The following BRAF variants were observed in gnomAD, a reference collection of about 807,000 sequenced individuals.
BRAF encodes the protein B-Raf proto-oncogene, serine/threonine kinase.
In BRAF, 16 loss-of-function variants were observed where a neutral mutation model predicts 104.6. That is an observed-to-expected ratio of 0.15 (90% confidence interval 0.10 to 0.23). The LOEUF (loss-of-function observed/expected upper bound fraction) is 0.23. BRAF is among the 10% of genes least tolerant of loss of function. The pLI is 1.00. For synonymous variants in BRAF, 310 were observed against 341.6 expected, an observed-to-expected ratio of 0.91 and a Z score of 1.02; for missense variants, 541 against 937.3, an observed-to-expected ratio of 0.58 and a Z score of 5.52.
intron 1 of BRAF, among the ~76,000 whole-genome samples, chr7:140,915,721 C>T (rs929018817): frequency 6.6e-6 from 1 of 151,538 alleles, no homozygotes; most frequent in Non-Finnish European, 1.5e-5. Context: ...CAGGCATGAG[C>T]CACCGTGACC....
intron 1 of BRAF, among the ~76,000 whole-genome samples, chr7:140,901,660 TG>T (rs1204951918): frequency 6.6e-6 from 1 of 152,234 alleles, no homozygotes; most frequent in Admixed American, 6.5e-5. Context: ...TTTATTTAGG[TG>T]GTCTGTCTCT....
At chr7:140,914,973 G>GC (rs903882646) in intron 1 of BRAF, among the ~76,000 whole-genome samples, 1 of 74,820 alleles carries the variant, frequency 1.3e-5, no homozygotes, top group Admixed American at 1.4e-4. Context: ...CCGGGGGGGG[G>GC]GGGGGGCGGA....
chr7:140,922,880 G>A (rs1201812768), intron 1 of BRAF, among the ~76,000 whole-genome samples: 1 of 152,054 alleles, frequency 6.6e-6, no homozygotes, highest in Non-Finnish European at 1.5e-5. Flanking sequence ...CAAAATGAAT[G>A]GTAACTGGAA....
At chr7:140,781,453 T>A in intron 12 of BRAF, 123 bp downstream of exon 11, 2 of 1,028,552 alleles carry the variant, frequency 1.9e-6, no homozygotes, top group Non-Finnish European at 3.0e-6. Flanking sequence ...GTCCTGAAAC[T>A]AATCAAAATA....
At chr7:140,826,649 A>G (rs141763035) in intron 3 of BRAF, among the ~76,000 whole-genome samples, 132 of 152,296 alleles carry the variant, frequency 8.7e-4, no homozygotes, top group Non-Finnish European at 1.6e-3. Context: ...TCTGAGCGAT[A>G]TACTTCAGAT....
intron 5 of BRAF, among the ~76,000 whole-genome samples, chr7:140,805,662 G>A (rs1803586546): frequency 6.6e-6 from 1 of 152,156 alleles, no homozygotes; most frequent in Non-Finnish European, 1.5e-5. Context: ...TGTGAAGGAA[G>A]ACACTGAGTG....
At position 140,809,097 on chromosome 7, in the gene BRAF, G is replaced by A. The variant is rs1044781759; in HGVS notation, c.505-102C>T. 9.4e-6 allele frequency: 8 copies of A among 854,812 alleles called. No homozygotes were observed. In the Admixed American group the frequency reaches 1.4e-4, roughly 15 times the overall value. The allele number at this position is 854,812 out of a possible 1,614,324, so 53.0% of individuals were successfully genotyped here. A position where few individuals can be genotyped will look rare whatever the true frequency, so the allele number is the denominator to read the frequency against. ...AATTCATCTTTAAAAAGTCAAATGG[G>A]TTACTAGGTCAGATACAACACCATT... is the stretch of plus-strand genomic sequence containing the variant. On this transcript the variant is annotated intron_variant, in intron 3 of 19. Coordinates refer to ENST00000644969, the MANE Select transcript of BRAF (RefSeq NM_001374258.1).
At chr7:140,753,526 C>G (rs1797957401) in intron 15 of BRAF, 133 bp from the exon 15 acceptor site, 1 of 645,430 alleles carries the variant, frequency 1.5e-6, no homozygotes, top group South Asian at 1.7e-5. Flanking sequence ...AGTACTTCAT[C>G]TTTCCTCTTA....
In BRAF at chr7:140,727,899, G is replaced by T. The variant is rs62487900; in HGVS notation, c.2402-1383C>A. Among the ~76,000 whole-genome samples the T allele has an allele frequency of 2.9e-4, 44 of 152,226 alleles. 1 individual carries two copies. In the South Asian group the frequency reaches 9.1e-3, roughly 32 times the overall value. ...GCCTCCCAAAGTGCTGGGATTACAC[G>T]CATGAGCCACCATGCCCGGCCAGCC... On this transcript the variant is annotated intron_variant, in intron 19 of 19. Transcript: ENST00000644969.
At chr7:140,786,500 T>C (rs998653389) in intron 9 of BRAF, among the ~76,000 whole-genome samples, 1 of 152,152 alleles carries the variant, frequency 6.6e-6, no homozygotes, top group Admixed American at 6.5e-5. Flanking sequence ...GTCTCAAATA[T>C]CACCTCTTAT....
chr7:140,904,529 G>C (rs2129132614), intron 1 of BRAF, among the ~76,000 whole-genome samples: 1 of 152,276 alleles, frequency 6.6e-6, no homozygotes, highest in Middle Eastern at 3.4e-3. Context: ...GATATATCAA[G>C]TTGTGGAATT....
chr7:140,873,411 C>G (rs963743361), intron 1 of BRAF, among the ~76,000 whole-genome samples: 3 of 152,114 alleles, frequency 2.0e-5, no homozygotes, highest in Non-Finnish European at 2.9e-5. Context: ...CTCAGGTGAT[C>G]CATCTGCCTC....
chr7:140,863,277 A>G (rs1358337562), intron 1 of BRAF, among the ~76,000 whole-genome samples: 1 of 152,200 alleles, frequency 6.6e-6, no homozygotes, highest in Middle Eastern at 3.2e-3. Flanking sequence ...AAACAATAGA[A>G]AGTAAAAGGA....
At chr7:140,921,989 C>T (rs571651780) in intron 1 of BRAF, among the ~76,000 whole-genome samples, 5 of 152,150 alleles carry the variant, frequency 3.3e-5, no homozygotes, top group African/African-American at 1.2e-4. Context: ...ATATCAACTT[C>T]AAATTTAAAA....
At chr7:140,792,159 A>C (rs1276844243) in intron 8 of BRAF, among the ~76,000 whole-genome samples, 1 of 151,742 alleles carries the variant, frequency 6.6e-6, no homozygotes, top group African/African-American at 2.4e-5. Context: ...CCTCCCCAAA[A>C]CACACTCTTT....
chr7:140,760,380 T>C (rs1386796420), intron 14 of BRAF, among the ~76,000 whole-genome samples: 1 of 145,458 alleles, frequency 6.9e-6, no homozygotes, highest in Non-Finnish European at 1.5e-5. Context: ...GCCATTGTAC[T>C]CCAGCCTGAG....
rs35843886 is a variant in BRAF at position 140,808,351 on chromosome 7, C to CAA, written c.609-291_609-290dup. On this transcript the variant is annotated intron_variant, in intron 4 of 19. Transcript: ENST00000644969. ...CAGAAAATGGATTGTTCCTGGGGTC[C>CAA]AAAAAAAAAAAAAAAAAAAAAAAAA... 1,160 of 198,822 alleles carry CAA rather than the reference C, an allele frequency of 5.8e-3. 2 individuals are homozygous for CAA. Among genetic ancestry groups the CAA allele is most frequent in the South Asian group, 7.2e-3 (222 of 30,944 alleles). The allele number at this position is 198,822 out of a possible 1,614,324, so 12.3% of individuals were successfully genotyped here.
In BRAF at chr7:140,720,877, T is replaced by C; in HGVS notation, c.*5617A>G. Reference sequence around the variant, plus strand: ...CCCAATCCCACCCGTCAACAGACCCTTCCTTTGCGGCATCTCTTCACAAAT... The same window carrying C: ...CCCAATCCCACCCGTCAACAGACCCCTCCTTTGCGGCATCTCTTCACAAAT... On this transcript the variant is annotated 3_prime_UTR_variant, in exon 20 of 20. Coordinates refer to ENST00000644969, the MANE Select transcript of BRAF (RefSeq NM_001374258.1). 1 of 1,066,178 alleles carries C rather than the reference T, an allele frequency of 9.4e-7. No homozygotes were observed. The highest frequency in any genetic ancestry group is 1.1e-6 in the Non-Finnish European group (1 of 879,792). 66.0% of individuals were successfully genotyped at this position (1,066,178 alleles called of 1,614,324 possible). A position where few individuals can be genotyped will look rare whatever the true frequency, so the allele number is the denominator to read the frequency against.
intron 3 of BRAF, among the ~76,000 whole-genome samples, chr7:140,819,054 T>C (rs372725799): frequency 5.9e-5 from 9 of 152,360 alleles, no homozygotes; most frequent in African/African-American, 1.9e-4. Flanking sequence ...TGTTGTGTCA[T>C]AGATCCTTGG....
Sources: gnomAD v4.1 joint callset for allele counts (sites outside exome capture counted in the v4.1 genomes callset) on GRCh38, gnomAD v4.1.1 for gene constraint, MANE v1.5 for transcripts, NCBI Gene and HGNC (gene_info 2026-07-23, HGNC 2026-07-21) for gene names.